ACOT12: variants seen among roughly 807,000 people sequenced by gnomAD.
ACOT12 encodes acyl-CoA thioesterase 12.
Under a neutral mutation model 67.7 loss-of-function variants are expected in ACOT12, and 51 were observed. That is an observed-to-expected ratio of 0.75 (90% CI 0.60 to 0.95). The LOEUF (loss-of-function observed/expected upper bound fraction) is 0.95. Ranked by LOEUF, ACOT12 falls within the 40% of genes least tolerant of loss-of-function variation. ACOT12 has a pLI of 0.00. For synonymous variants in ACOT12, 251 were observed against 244.6 expected (o/e 1.03, Z -0.24); for missense variants, 734 against 708.1 (o/e 1.04, Z -0.41).
downstream of ACOT12, among the ~76,000 whole-genome samples, chr5:81,327,887 A>G (rs1009487286): frequency 6.6e-5 from 10 of 152,150 alleles, no homozygotes; most frequent in African/African-American, 2.4e-4. Context: ...TAATTTTTCT[A>G]GGTTTCCTCT....
intron 3 of ACOT12, among the ~76,000 whole-genome samples, chr5:81,370,535 G>A (rs1760217620): frequency 6.6e-6 from 1 of 152,180 alleles, no homozygotes; most frequent in South Asian, 2.1e-4. Flanking sequence ...GGGGAAATTT[G>A]GAAGCAGACA....
At chr5:81,335,694 T>A in intron 12 of ACOT12, 74 bp downstream of exon 12, 1 of 1,494,672 alleles carries the variant, frequency 6.7e-7, no homozygotes. Context: ...ACGATGGAGA[T>A]GGACTTCAGT....
chr5:81,376,439 C>A (rs1760415116), intron 2 of ACOT12, among the ~76,000 whole-genome samples: 1 of 150,534 alleles, frequency 6.6e-6, no homozygotes, highest in Non-Finnish European at 1.5e-5. Flanking sequence ...ACAAGAGAAG[C>A]AAGAGCAAAA....
chr5:81,371,675 G>A, intron 3 of ACOT12, 75 bp downstream of exon 3: 2 of 1,407,090 alleles, frequency 1.4e-6, no homozygotes, highest in Non-Finnish European at 2.0e-6. Flanking sequence ...ATTAGTCTAG[G>A]CCTCCTGCTC....
chr5:81,326,162 T>G (rs2153839054), downstream of ACOT12, among the ~76,000 whole-genome samples: 1 of 129,816 alleles, frequency 7.7e-6, no homozygotes, highest in East Asian at 2.3e-4. Context: ...AGTCTCGCCC[T>G]GTTGCCAGGC....
chr5:81,377,632 T>A (rs1323723582), intron 2 of ACOT12, among the ~76,000 whole-genome samples: 1 of 152,230 alleles, frequency 6.6e-6, no homozygotes, highest in Non-Finnish European at 1.5e-5. Flanking sequence ...GATAAGCAAC[T>A]TCAGCAAAGT....
chr5:81,315,043 A>G, the ACOT12 span, among the ~76,000 whole-genome samples: 3 of 152,110 alleles, frequency 2.0e-5, no homozygotes, highest in African/African-American at 7.2e-5. Flanking sequence ...CTCTTCTTAC[A>G]AACTTATCTT....
chr5:81,345,302 G>A (rs188495794), intron 7 of ACOT12, among the ~76,000 whole-genome samples: 1 of 152,276 alleles, frequency 6.6e-6, no homozygotes, highest in East Asian at 1.9e-4. Context: ...AGGCCAGGAA[G>A]GGCTTTATAT....
chr5:81,368,004 A>C (rs769721719), intron 3 of ACOT12, among the ~76,000 whole-genome samples: 9 of 152,170 alleles, frequency 5.9e-5, no homozygotes, highest in Non-Finnish European at 1.2e-4. Flanking sequence ...AAGAGTTAAG[A>C]ATCCTGGCAG....
chr5:81,360,318 A>G (rs1017803863), intron 4 of ACOT12, among the ~76,000 whole-genome samples: 1 of 152,246 alleles, frequency 6.6e-6, no homozygotes, highest in South Asian at 2.1e-4. Flanking sequence ...CAACAGAACT[A>G]CAAAATAAGA....
At chr5:81,363,542 A>AT (rs200485365) in intron 4 of ACOT12, among the ~76,000 whole-genome samples, 30 of 151,620 alleles carry the variant, frequency 2.0e-4, no homozygotes, top group Middle Eastern at 3.2e-3. Context: ...AACAATGTGG[A>AT]TTTTTTTTTG....
rs1759428322 is a variant in ACOT12, at chr5:81,347,831, T to C, written c.596A>G (p.Asn199Ser). 3 of 1,614,082 alleles carry C rather than the reference T, an allele frequency of 1.9e-6. No homozygotes were observed. Among genetic ancestry groups the C allele is most frequent in the Non-Finnish European group, 2.5e-6 (3 of 1,180,044 alleles). ...CGCCATAATCTGGCCACCAAATGTATTTCCGTGATGGTTTGCATGGGGTGG... is the reference window on the plus strand; with the variant it reads ...CGCCATAATCTGGCCACCAAATGTACTTCCGTGATGGTTTGCATGGGGTGG... The part of the protein sequence containing the change: ...VLPPHANHHG[N>S]TFGGQIMAWM... The change falls in exon 6 of 15, where the codon AAT (asparagine) becomes AGT (serine). Residue 199 changes from asparagine (N) to serine (S), a missense_variant. Physicochemically the swap from Asn to Ser is conservative, Grantham distance 46. Transcript: ENST00000307624.
intron 2 of ACOT12, among the ~76,000 whole-genome samples, chr5:81,376,035 C>A (rs1182658635): frequency 6.6e-6 from 1 of 151,834 alleles, no homozygotes; most frequent in African/African-American, 2.4e-5. Flanking sequence ...ACAGAATATA[C>A]ATTCTTCTCA....
chr5:81,340,042 C>CTTT (rs1257423189), intron 11 of ACOT12, among the ~76,000 whole-genome samples: 1 of 143,046 alleles, frequency 7.0e-6, no homozygotes, highest in African/African-American at 2.6e-5. Context: ...AAGTATGATT[C>CTTT]TTTTTTTTTT....
chr5:81,311,235 C>T, the ACOT12 span: 3 of 1,613,982 alleles, frequency 1.9e-6, no homozygotes, highest in African/African-American at 2.7e-5. Flanking sequence ...CTTTGTGGCT[C>T]TGTGGAACAT....
At chr5:81,382,863 T>C (rs189199903) in intron 2 of ACOT12, among the ~76,000 whole-genome samples, 61 of 150,700 alleles carry the variant, frequency 4.0e-4, no homozygotes, top group Admixed American at 2.8e-3. Context: ...TACATGAAAA[T>C]CCATAGGCTC....
At chr5:81,359,710 G>A in intron 5 of ACOT12, 193 bp downstream of exon 5, 1 of 492,344 alleles carries the variant, frequency 2.0e-6, no homozygotes, top group Non-Finnish European at 3.4e-6. Context: ...CCAATTTAAA[G>A]AGGCCTTAGG....
chr5:81,311,227 T>A, the ACOT12 span: 2 of 1,614,080 alleles, frequency 1.2e-6, no homozygotes, highest in Non-Finnish European at 1.7e-6. Flanking sequence ...GTTGCAAACT[T>A]TGTGGCTCTG....
intron 2 of ACOT12, among the ~76,000 whole-genome samples, chr5:81,383,942 A>G (rs1206501862): frequency 6.6e-6 from 1 of 151,972 alleles, no homozygotes; most frequent in Non-Finnish European, 1.5e-5. Flanking sequence ...AGAAAGAAAA[A>G]TATTTTTATA....
Sources: allele counts gnomAD v4.1 joint callset (sites outside exome capture counted in the v4.1 genomes callset), GRCh38; gene constraint gnomAD v4.1.1; transcripts MANE v1.5; gene names NCBI Gene and HGNC (gene_info 2026-07-23, HGNC 2026-07-21).